The following SFMBT2 variants were observed in gnomAD, a reference collection of about 807,000 sequenced individuals.
SFMBT2 encodes scm-like with four MBT domains protein 2.
A neutral mutation model predicts 110.1 loss-of-function variants in SFMBT2; 38 were observed. The observed-to-expected ratio is 0.35, with a 90% CI of 0.27 to 0.45. SFMBT2 has a LOEUF of 0.45. Ranked by LOEUF, SFMBT2 falls within the 20% of genes least tolerant of loss-of-function variation. SFMBT2 has a pLI of 1.00. For synonymous variants in SFMBT2, 425 were observed against 425.4 expected, an observed-to-expected ratio of 1.00 and a Z score of 0.01; for missense variants, 1,011 against 1,094.9, an observed-to-expected ratio of 0.92 and a Z score of 1.08.
intron 1 of SFMBT2, among the ~76,000 whole-genome samples, chr10:7,384,518 G>T (rs1477524443): frequency 1.3e-5 from 2 of 151,826 alleles, no homozygotes; most frequent in East Asian, 1.9e-4. Flanking sequence ...GAAAATAACG[G>T]TTTTTTAATA....
intron 4 of SFMBT2, among the ~76,000 whole-genome samples, chr10:7,359,143 C>T (rs919512361): frequency 6.6e-6 from 1 of 152,216 alleles, no homozygotes; most frequent in Non-Finnish European, 1.5e-5. Flanking sequence ...ATCCTGCAGG[C>T]CGAGCTGTGC....
At chr10:7,266,860 T>C (rs373553013) in intron 7 of SFMBT2, among the ~76,000 whole-genome samples, 12 of 152,200 alleles carry the variant, frequency 7.9e-5, no homozygotes, top group African/African-American at 2.9e-4. Flanking sequence ...AATGGAAGTG[T>C]GCAGAGAAGG....
chr10:7,329,049 C>A (rs183510150), intron 4 of SFMBT2, among the ~76,000 whole-genome samples: 2 of 152,320 alleles, frequency 1.3e-5, no homozygotes, highest in Non-Finnish European at 2.9e-5. Flanking sequence ...AGATATAGAA[C>A]CTTCACTGCC....
chr10:7,274,458 T>C (rs1440420903), intron 7 of SFMBT2, among the ~76,000 whole-genome samples: 1 of 152,252 alleles, frequency 6.6e-6, no homozygotes, highest in African/African-American at 2.4e-5. Context: ...TCTCCCATGC[T>C]ATTCTCCTGA....
intron 7 of SFMBT2, among the ~76,000 whole-genome samples, chr10:7,254,594 G>C (rs1475491608): frequency 2.0e-5 from 3 of 152,186 alleles, no homozygotes; most frequent in African/African-American, 7.2e-5. Flanking sequence ...GGCTGAGACA[G>C]GCGGATCATG....
intron 9 of SFMBT2, among the ~76,000 whole-genome samples, chr10:7,228,740 C>CTTTCCTT: frequency 6.1e-5 from 2 of 32,718 alleles, no homozygotes; most frequent in East Asian, 1.2e-3. Flanking sequence ...TCTTTCCTTT[C>CTTTCCTT]TCTCTCTCTC....
At chr10:7,193,614 G>A (rs542279476) in intron 15 of SFMBT2, among the ~76,000 whole-genome samples, 47 of 152,234 alleles carry the variant, frequency 3.1e-4, no homozygotes, top group Non-Finnish European at 4.6e-4. Context: ...GTCACTCCAG[G>A]ACCCACGGAC....
chr10:7,272,106 C>T (rs1841604142), intron 7 of SFMBT2, among the ~76,000 whole-genome samples: 4 of 152,242 alleles, frequency 2.6e-5, no homozygotes, highest in Middle Eastern at 6.8e-3. Flanking sequence ...TGAAAAATCT[C>T]CCCAGGCTCA....
Position 7,188,604 on chromosome 10 carries a change from C to G in SFMBT2, c.1808+20G>C. The G allele has an allele frequency of 6.3e-7, 1 of 1,597,966 alleles. No homozygotes were observed. The highest frequency in any genetic ancestry group is 8.6e-7 in the Non-Finnish European group (1 of 1,167,254). On this transcript the variant is annotated intron_variant, in intron 16 of 20. Transcript: ENST00000397167. Reference sequence around the variant, plus strand: ...GAAGTATTACAAAAACCCTTGCTTTCCAGAATTGAAAACACTTACTTGGCC... The same window carrying G: ...GAAGTATTACAAAAACCCTTGCTTTGCAGAATTGAAAACACTTACTTGGCC...
rs141886755 is a variant in SFMBT2 at position 7,264,077 on chromosome 10, G to C, written c.870+12815C>G. 639 of 244,262 alleles carry C rather than the reference G, an allele frequency of 2.6e-3. 3 individuals are homozygous for C. The highest frequency in any genetic ancestry group is 0.013 in the African/African-American group (581 of 43,764). The allele number at this position is 244,262 out of a possible 1,614,324, so 15.1% of individuals were successfully genotyped here. A position where few individuals can be genotyped will look rare whatever the true frequency, so the allele number is the denominator to read the frequency against. ...GCAGCATGAACACTCTTAGTAGAGA[G>C]GGTGTCCATGCAGGGAAGGTCTTTA... is the stretch of plus-strand genomic sequence containing the variant. On this transcript the variant is annotated intron_variant, in intron 7 of 20. Coordinates refer to ENST00000397167, the MANE Select transcript of SFMBT2 (RefSeq NM_001387889.1).
At chr10:7,225,890 A>G (rs2131666381) in intron 10 of SFMBT2, among the ~76,000 whole-genome samples, 1 of 151,844 alleles carries the variant, frequency 6.6e-6, no homozygotes, top group East Asian at 1.9e-4. Flanking sequence ...CACGGCCCTC[A>G]ATGAAAGCAG....
chr10:7,345,042 G>A (rs996212200), intron 4 of SFMBT2, among the ~76,000 whole-genome samples: 4 of 151,728 alleles, frequency 2.6e-5, no homozygotes, highest in Non-Finnish European at 4.4e-5. Context: ...AGGCAATCAG[G>A]AGAAAAAGGA....
At chr10:7,272,984 A>G (rs1372606427) in intron 7 of SFMBT2, among the ~76,000 whole-genome samples, 1 of 152,168 alleles carries the variant, frequency 6.6e-6, no homozygotes, top group Admixed American at 6.5e-5. Flanking sequence ...TAGTAGAGAC[A>G]GGGTTTTATC....
At chr10:7,234,173 A>T (rs542260174) in intron 9 of SFMBT2, among the ~76,000 whole-genome samples, 2 of 152,316 alleles carry the variant, frequency 1.3e-5, no homozygotes, top group African/African-American at 4.8e-5. Flanking sequence ...TCCCAATTGA[A>T]TTACTCTGTG....
At chr10:7,347,421 T>C (rs978504562) in intron 4 of SFMBT2, among the ~76,000 whole-genome samples, 1 of 151,648 alleles carries the variant, frequency 6.6e-6, no homozygotes, top group African/African-American at 2.4e-5. Context: ...AACCACACCA[T>C]CAAAGCCCTC....
rs1281931969 is a variant in SFMBT2, at chr10:7,197,570, T to C, written c.1676A>G (p.Lys559Arg). 2.5e-6 allele frequency: 4 copies of C among 1,614,166 alleles called. No individual in the cohort carries two copies. Among genetic ancestry groups the C allele is most frequent in the Non-Finnish European group, 3.4e-6 (4 of 1,180,020 alleles). Reference sequence around the variant, plus strand: ...TACCTCTTTAAGAACCAGCACGCATTTGCCCGGTCCCACCGACTGAGGTAG... The same window carrying C: ...TACCTCTTTAAGAACCAGCACGCATCTGCCCGGTCCCACCGACTGAGGTAG... ...AELPQSVGPGKCVLVLKEVLS... is the reference protein window; with the variant it reads ...AELPQSVGPGRCVLVLKEVLS... Residue 559 changes from lysine to arginine, a missense_variant, in exon 15 of 21, where the codon AAA becomes AGA. Lys to Arg is a conservative substitution (Grantham distance 26). This residue lies in a region of SFMBT2 where 979 missense variants were observed against 1,016.1 expected (regional missense o/e 0.96). Coordinates refer to ENST00000397167, the MANE Select transcript of SFMBT2 (RefSeq NM_001387889.1).
intron 4 of SFMBT2, among the ~76,000 whole-genome samples, chr10:7,323,278 C>T (rs964986764): frequency 1.8e-4 from 28 of 151,702 alleles, no homozygotes; most frequent in African/African-American, 6.1e-4. Flanking sequence ...GGTGAAACTC[C>T]GTCTCTACTA....
intron 4 of SFMBT2, among the ~76,000 whole-genome samples, chr10:7,311,625 CA>C (rs1344270562): frequency 3.3e-5 from 5 of 152,158 alleles, no homozygotes; most frequent in Non-Finnish European, 5.9e-5. Flanking sequence ...CAGTTAAAGT[CA>C]ATATCCTACT....
chr10:7,201,762 A>T (rs759934985), intron 13 of SFMBT2, among the ~76,000 whole-genome samples: 21 of 152,302 alleles, frequency 1.4e-4, no homozygotes, highest in Admixed American at 3.3e-4. Context: ...AGTCACAACT[A>T]TTCAAAAACA....
Sources: allele counts gnomAD v4.1 joint callset (sites outside exome capture counted in the v4.1 genomes callset), GRCh38; gene constraint gnomAD v4.1.1; regional missense constraint gnomAD v4.1.1; transcripts MANE v1.5; gene names NCBI Gene and HGNC (gene_info 2026-07-23, HGNC 2026-07-21).